The following SPACA7 variants were observed in gnomAD, a reference collection of about 807,000 sequenced individuals.
The protein encoded by SPACA7 is sperm acrosome associated 7.
SPACA7 carries 19 observed loss-of-function variants against 26.3 expected under a neutral mutation model. The observed-to-expected ratio is 0.72, with a 90% confidence interval of 0.50 to 1.06. The LOEUF is 1.06. Among genes scored for constraint, SPACA7 ranks in the 50% least tolerant of loss-of-function variants. The pLI is 0.00. For synonymous variants in SPACA7, 84 were observed against 84.5 expected, an observed-to-expected ratio of 0.99 and a Z score of 0.04; for missense variants, 211 against 229.9, an observed-to-expected ratio of 0.92 and a Z score of 0.53.
chr13:112,423,687 A>G (rs1876227240), intron 5 of SPACA7, among the ~76,000 whole-genome samples: 2 of 152,258 alleles, frequency 1.3e-5, no homozygotes, highest in East Asian at 3.8e-4. Flanking sequence ...AGTGAAGAAC[A>G]TAATCCTCAG....
At chr13:112,432,338 T>G in intron 5 of SPACA7, 106 bp from the exon 6 acceptor site, 2 of 857,078 alleles carry the variant, frequency 2.3e-6, no homozygotes, top group Non-Finnish European at 1.9e-6. Context: ...TGTGCGTGGG[T>G]GCTGCTTTGC....
At chr13:112,400,857 G>A (rs1407995341) in intron 4 of SPACA7, among the ~76,000 whole-genome samples, 1 of 152,218 alleles carries the variant, frequency 6.6e-6, no homozygotes, top group Non-Finnish European at 1.5e-5. Flanking sequence ...TTGGGTCAAA[G>A]GACGTGTGGA....
intron 1 of SPACA7, among the ~76,000 whole-genome samples, chr13:112,386,674 A>G (rs1040916887): frequency 2.0e-5 from 3 of 152,210 alleles, no homozygotes; most frequent in African/African-American, 7.2e-5. Context: ...TTTTCCAGAA[A>G]AACAAGATCC....
At chr13:112,392,420 C>G (rs1884951047) in intron 1 of SPACA7, among the ~76,000 whole-genome samples, 1 of 152,146 alleles carries the variant, frequency 6.6e-6, no homozygotes, top group Non-Finnish European at 1.5e-5. Flanking sequence ...ATGGGACCAC[C>G]CTGAAATCAC....
chr13:112,376,576 A>G (rs1477945574), intron 1 of SPACA7, 97 bp downstream of exon 1: 8 of 1,280,156 alleles, frequency 6.2e-6, no homozygotes, highest in South Asian at 2.8e-5. Flanking sequence ...CCCAACCTAC[A>G]TGAATTTACC....
intron 5 of SPACA7, among the ~76,000 whole-genome samples, chr13:112,421,739 G>C (rs1329613312): frequency 6.6e-6 from 1 of 152,142 alleles, no homozygotes; most frequent in East Asian, 1.9e-4. Flanking sequence ...ACTGGATAAA[G>C]AAAATGTGGT....
At chr13:112,423,464 AG>A (rs1266992268) in intron 5 of SPACA7, among the ~76,000 whole-genome samples, 1 of 152,242 alleles carries the variant, frequency 6.6e-6, no homozygotes, top group Non-Finnish European at 1.5e-5. Context: ...GAAACAAAAA[AG>A]TCATTAAAAT....
chr13:112,422,962 C>A (rs1876131058), intron 5 of SPACA7, among the ~76,000 whole-genome samples: 1 of 152,240 alleles, frequency 6.6e-6, no homozygotes, highest in East Asian at 1.9e-4. Flanking sequence ...CTTTGGCCAG[C>A]AACTGTTCAA....
intron 1 of SPACA7, among the ~76,000 whole-genome samples, chr13:112,382,720 G>A (rs963625246): frequency 6.6e-6 from 1 of 152,076 alleles, no homozygotes; most frequent in African/African-American, 2.4e-5. Flanking sequence ...AGGTGCGGTG[G>A]CTTACACCTG....
intron 2 of SPACA7, among the ~76,000 whole-genome samples, chr13:112,397,061 T>C (rs1317593653): frequency 6.6e-6 from 1 of 152,212 alleles, no homozygotes; most frequent in Non-Finnish European, 1.5e-5. Context: ...AACCCAGCTC[T>C]GTGAGTGAGA....
rs773601957 is a variant in SPACA7 at position 112,432,487 on chromosome 13, G to T, written c.489G>T (p.Leu163=). ...KNTQYENLSI[L]DQILQNIGRS... is the part of the protein sequence containing the mutation. ...CTCAGTATGAAAATCTATCCATTCT[G>T]GACCAAATCCTTCAAAATATTGGAA... The change falls in exon 6 of 7, where the codon CTG becomes CTT. Residue 163 remains leucine, a synonymous_variant. Transcript: ENST00000283550. The T allele has an allele frequency of 1.2e-6, 2 of 1,611,614 alleles. No homozygotes were observed. The highest frequency in any genetic ancestry group is 2.2e-5 in the South Asian group (2 of 91,018).
chr13:112,394,163 C>T (rs866800064), intron 2 of SPACA7, among the ~76,000 whole-genome samples: 6 of 152,316 alleles, frequency 3.9e-5, no homozygotes, highest in South Asian at 4.1e-4. Flanking sequence ...TGGACAGCCG[C>T]GCTCCAGGGT....
rs113355933 is a variant in SPACA7 at position 112,405,183 on chromosome 13, C to T, written c.445+4019C>T. 1.7e-3 allele frequency among the ~76,000 whole-genome samples: 260 copies of T among 151,936 alleles called. 2 individuals are homozygous for T. Among genetic ancestry groups the T allele is most frequent in the African/African-American group, 5.3e-3 (219 of 41,506 alleles). On this transcript the variant is annotated intron_variant, in intron 5 of 6. Coordinates refer to ENST00000283550, the MANE Select transcript of SPACA7 (RefSeq NM_145248.5). The stretch of plus-strand genomic sequence containing the variant: ...ATTTTTAGTAGAGACGGGGTTTCAC[C>T]GTGTTAGCCAGGATGTATTTTCTTC...
chr13:112,404,197 C>A (rs1885829171), intron 5 of SPACA7, among the ~76,000 whole-genome samples: 1 of 152,250 alleles, frequency 6.6e-6, no homozygotes, highest in African/African-American at 2.4e-5. Flanking sequence ...ATTTTTTCAA[C>A]TGTTCGTTGG....
At chr13:112,417,118 A>G (rs1056919785) in intron 5 of SPACA7, among the ~76,000 whole-genome samples, 2 of 151,940 alleles carry the variant, frequency 1.3e-5, no homozygotes, top group African/African-American at 2.4e-5. Context: ...ACATCTTGGT[A>G]TTAGTTTTCC....
At chr13:112,420,534 A>G (rs201595805) in intron 5 of SPACA7, among the ~76,000 whole-genome samples, 1 of 18,978 alleles carries the variant, frequency 5.3e-5, no homozygotes, top group Non-Finnish European at 9.4e-5. Flanking sequence ...ACATAAAGGG[A>G]AAAAAAAGAA....
chr13:112,422,113 A>G (rs1200980690), intron 5 of SPACA7, among the ~76,000 whole-genome samples: 1 of 152,200 alleles, frequency 6.6e-6, no homozygotes, highest in African/African-American at 2.4e-5. Flanking sequence ...ACTTTAGAAA[A>G]AAAAGAAGAA....
intron 5 of SPACA7, among the ~76,000 whole-genome samples, chr13:112,413,423 T>C (rs1260647024): frequency 6.7e-6 from 1 of 149,628 alleles, no homozygotes; most frequent in African/African-American, 2.5e-5. Flanking sequence ...TCCTGGCCTA[T>C]AAAGTTTCCA....
chr13:112,431,127 C>G (rs932216643), intron 5 of SPACA7, among the ~76,000 whole-genome samples: 1 of 152,190 alleles, frequency 6.6e-6, no homozygotes, highest in African/African-American at 2.4e-5. Context: ...AAAAATTGTT[C>G]AATGGGCTTG....
Sources: allele counts gnomAD v4.1 joint callset (sites outside exome capture counted in the v4.1 genomes callset), GRCh38; gene constraint gnomAD v4.1.1; transcripts MANE v1.5; gene names NCBI Gene and HGNC (gene_info 2026-07-23, HGNC 2026-07-21).